CLEC11A: variants seen among roughly 807,000 people sequenced by gnomAD.
CLEC11A encodes the protein C-type lectin domain family 11 member A.
CLEC11A carries 35 observed loss-of-function variants against 33.9 expected under a neutral mutation model. The observed-to-expected ratio is 1.03, with a 90% CI of 0.79 to 1.37. The LOEUF is 1.37. Ranked by LOEUF, CLEC11A falls within the 40% of genes most tolerant of loss-of-function variation. CLEC11A has a pLI of 0.00. For missense variants in CLEC11A, 519 were observed against 455.5 expected (o/e 1.14, Z -1.27); for synonymous variants, 220 against 202.2 (o/e 1.09, Z -0.75).
chr19:50,723,945 A>G lies in CLEC11A; in HGVS notation c.188A>G (p.Asp63Gly). 6.2e-7 allele frequency: 1 copy of G among 1,613,068 alleles called. No individual in the cohort carries two copies. Among genetic ancestry groups the G allele is most frequent in the Non-Finnish European group, 8.5e-7 (1 of 1,179,690 alleles). Reference protein sequence around the residue: ...EALGLPAGRGDENPAGTVEGK... With the variant: ...EALGLPAGRGGENPAGTVEGK... ...CTAGGACTGCCTGCTGGGAGGGGGG[A>G]TGAGAATCCTGCCGGAACTGTTGAG... The change falls in exon 2 of 4, where the codon GAT becomes GGT. Residue 63 changes from aspartate to glycine, a missense_variant. Physicochemically the swap from Asp to Gly is moderately conservative, Grantham distance 94. Transcript: ENST00000250340. The surrounding 1 kb of genome is among the most constrained non-coding windows in gnomAD (Gnocchi z 4.1).
At position 50,725,269 on chromosome 19, in the gene CLEC11A, C is replaced by G; in HGVS notation, c.774C>G (p.Arg258=). 4 of 1,611,428 alleles carry G rather than the reference C, an allele frequency of 2.5e-6. No homozygotes were observed. Among genetic ancestry groups the G allele is most frequent in the Non-Finnish European group, 3.4e-6 (4 of 1,179,212 alleles). ...TCTACCTCTTCGAAAACGGCCAGCG[C>G]GTGTCCTTCTTCGCCTGGCATCGCT... ...EGLYLFENGQ[R]VSFFAWHRSP... The change falls in exon 4 of 4, where the codon CGC becomes CGG. Residue 258 remains arginine (R), a synonymous_variant. Coordinates refer to ENST00000250340, the MANE Select transcript of CLEC11A (RefSeq NM_002975.3).
chr19:50,725,427 G>T lies in CLEC11A; in HGVS notation c.932G>T (p.Cys311Phe). The change falls in exon 4 of 4, where the codon TGC becomes TTC. Residue 311 changes from cysteine to phenylalanine, a missense_variant. Transcript: ENST00000250340. ...GACGGCTCCTGGTGGGACCACGACT[G>T]CCAGCGGCGTCTCTACTACGTCTGC... is the stretch of plus-strand genomic sequence containing the variant. The part of the protein sequence containing the change: ...SDDGSWWDHD[C>F]QRRLYYVCEF... 1.2e-6 allele frequency: 2 copies of T among 1,610,310 alleles called. No individual in the cohort carries two copies. The highest frequency in any genetic ancestry group is 8.5e-7 in the Non-Finnish European group (1 of 1,178,668).
In CLEC11A at chr19:50,723,895, C is replaced by T. The variant is rs1358289705; in HGVS notation, c.148-10C>T. 5.6e-6 allele frequency: 9 copies of T among 1,603,086 alleles called. No individual in the cohort carries two copies. In the East Asian group the frequency reaches 1.8e-4, roughly 32 times the overall value. The stretch of plus-strand genomic sequence containing the variant: ...GCAGGCTGGGGCTCACCACCCCTCC[C>T]CTGCCCCAGCATCTGCAGGAAGCCC... On this transcript the variant is annotated splice_polypyrimidine_tract_variant and intron_variant, in intron 1 of 3. Transcript: ENST00000250340. This position sits in a 1 kb window ranked among gnomAD's most constrained non-coding sequence, Gnocchi z 4.1.
At position 50,724,116 on chromosome 19, in the gene CLEC11A, C is replaced by A; in HGVS notation, c.334+25C>A. 1 of 1,609,050 alleles carries A rather than the reference C, an allele frequency of 6.2e-7. No homozygotes were observed. The highest frequency in any genetic ancestry group is 8.5e-7 in the Non-Finnish European group (1 of 1,178,574). On this transcript the variant is annotated intron_variant, in intron 2 of 3. Coordinates refer to ENST00000250340, the MANE Select transcript of CLEC11A (RefSeq NM_002975.3). This position sits in a 1 kb window ranked among gnomAD's most constrained non-coding sequence, Gnocchi z 4.1. ...CGTGAGTAACCAGAAGCCCTCACCC[C>A]CAAACTCCTAGGCCGCCGCGGTCAC...
chr19:50,724,295 G>A lies in CLEC11A; in HGVS notation c.335-115G>A. On this transcript the variant is annotated intron_variant, in intron 2 of 3. Coordinates refer to ENST00000250340, the MANE Select transcript of CLEC11A (RefSeq NM_002975.3). The surrounding 1 kb of genome is among the most constrained non-coding windows in gnomAD (Gnocchi z 4.1). ...ACCCTACCTTCCAGGAGTCCGGGGT[G>A]CCCCCCCCACCGCCACCCCGCCCTC... The A allele has an allele frequency of 8.8e-7, 1 of 1,130,926 alleles. No individual in the cohort carries two copies. The highest frequency in any genetic ancestry group is 1.2e-6 in the Non-Finnish European group (1 of 830,044). The allele number at this position is 1,130,926 out of a possible 1,614,324, so 70.1% of individuals were successfully genotyped here.
chr19:50,724,635 A>T lies in CLEC11A; in HGVS notation c.526+34A>T, dbSNP rs150234280. The T allele has an allele frequency of 1.8e-3, 2,511 of 1,383,368 alleles. 54 individuals carry two copies. The East Asian group carries it at 0.047, about 26-fold the overall frequency. The allele number at this position is 1,383,368 out of a possible 1,614,324, so 85.7% of individuals were successfully genotyped here. A position where few individuals can be genotyped will look rare whatever the true frequency, so the allele number is the denominator to read the frequency against. ...GCGGCGCGCGGGGTGGAAAAAAATG[A>T]GACTATCTGGGCCAGGAATGGGACT... On this transcript the variant is annotated intron_variant, in intron 3 of 3. Coordinates refer to ENST00000250340, the MANE Select transcript of CLEC11A (RefSeq NM_002975.3). The surrounding 1 kb of genome is among the most constrained non-coding windows in gnomAD (Gnocchi z 4.1).
chr19:50,723,510 C>A lies in CLEC11A; in HGVS notation c.-16C>A. 1 of 1,611,916 alleles carries A rather than the reference C, an allele frequency of 6.2e-7. No individual in the cohort carries two copies. Among genetic ancestry groups the A allele is most frequent in the Non-Finnish European group, 8.5e-7 (1 of 1,179,812 alleles). ...ATCCAGACATCTGGAACTTTGGGTG[C>A]CAAGAGTCCAGCTTAATGCAGGCAG... On this transcript the variant is annotated 5_prime_UTR_variant, in exon 1 of 4. Transcript: ENST00000250340. This position sits in a 1 kb window ranked among gnomAD's most constrained non-coding sequence, Gnocchi z 4.1.
Position 50,725,475 on chromosome 19 carries a change from G to C in CLEC11A, c.*8G>C. The C allele has an allele frequency of 3.8e-6, 6 of 1,581,188 alleles. No individual in the cohort carries two copies. Among genetic ancestry groups the C allele is most frequent in the Non-Finnish European group, 5.2e-6 (6 of 1,160,886 alleles). On this transcript the variant is annotated 3_prime_UTR_variant, in exon 4 of 4. Coordinates refer to ENST00000250340, the MANE Select transcript of CLEC11A (RefSeq NM_002975.3). ...TGCGAGTTCCCCTTCTAGCGGGGCCGGTACCCCGCCTCCCTGCCCATCCCA... is the reference window on the plus strand; with the variant it reads ...TGCGAGTTCCCCTTCTAGCGGGGCCCGTACCCCGCCTCCCTGCCCATCCCA...
Position 50,724,123 on chromosome 19 carries a change from C to T in CLEC11A, c.334+32C>T. On this transcript the variant is annotated intron_variant, in intron 2 of 3. Transcript: ENST00000250340. The surrounding 1 kb of genome is among the most constrained non-coding windows in gnomAD (Gnocchi z 4.1). ...AACCAGAAGCCCTCACCCCCAAACT[C>T]CTAGGCCGCCGCGGTCACTTTCGCA... The T allele has an allele frequency of 6.2e-7, 1 of 1,603,666 alleles. No individual in the cohort carries two copies.
chr19:50,725,344 C>T lies in CLEC11A; in HGVS notation c.849C>T (p.Leu283=). Residue 283 remains leucine (L), a synonymous_variant, in exon 4 of 4, where the codon CTC becomes CTT. Transcript: ENST00000250340. ...AGCCCAGCGCCTCGCCGCATCCGCTCAGCCCGGACCAGCCCAACGGTGGCA... is the reference window on the plus strand; with the variant it reads ...AGCCCAGCGCCTCGCCGCATCCGCTTAGCCCGGACCAGCCCAACGGTGGCA... ...GAQPSASPHP[L]SPDQPNGGTL... is the part of the protein sequence containing the mutation. 6.2e-7 allele frequency: 1 copy of T among 1,612,142 alleles called. No individual in the cohort carries two copies. The highest frequency in any genetic ancestry group is 8.5e-7 in the Non-Finnish European group (1 of 1,179,462).
chr19:50,724,602 G>A lies in CLEC11A; in HGVS notation c.526+1G>A. 3 of 1,404,118 alleles carry A rather than the reference G, an allele frequency of 2.1e-6. No individual in the cohort carries two copies. Among genetic ancestry groups the A allele is most frequent in the Non-Finnish European group, 2.8e-6 (3 of 1,083,698 alleles). 87.0% of individuals were successfully genotyped at this position (1,404,118 alleles called of 1,614,324 possible). A position where few individuals can be genotyped will look rare whatever the true frequency, so the allele number is the denominator to read the frequency against. ...GAGCGCGAGCACGGCCGCTTGGAGG[G>A]TGAGTCCGCGGCGCGCGGGGTGGAA... On this transcript the variant is annotated splice_donor_variant, in intron 3 of 3. Transcript: ENST00000250340. LOFTEE classifies it high-confidence loss of function. The surrounding 1 kb of genome is among the most constrained non-coding windows in gnomAD (Gnocchi z 4.1).
In CLEC11A at chr19:50,725,169, G is replaced by T. The variant is rs775848847; in HGVS notation, c.674G>T (p.Arg225Leu). Reference protein sequence around the residue: ...ADRQQMEALTRYLRAALAPYN... With the variant: ...ADRQQMEALTLYLRAALAPYN... ...CGCCAGCAGATGGAGGCGCTCACTC[G>T]GTACCTGCGCGCGGCGCTCGCTCCC... The change falls in exon 4 of 4, where the codon CGG (arginine) becomes CTG (leucine). Residue 225 changes from arginine to leucine, a missense_variant. Arg to Leu is a moderately radical substitution (Grantham distance 102). Transcript: ENST00000250340. 3.7e-5 allele frequency: 58 copies of T among 1,575,046 alleles called. 1 individual carries two copies. In the Admixed American group the frequency reaches 1.0e-3, roughly 28 times the overall value.
chr19:50,724,532 AC>A lies in CLEC11A; in HGVS notation c.460del (p.Arg154AlafsTer25). On this transcript the variant is annotated frameshift_variant, in exon 3 of 4. Coordinates refer to ENST00000250340, the MANE Select transcript of CLEC11A (RefSeq NM_002975.3). LOFTEE classifies it high-confidence loss of function. This position sits in a 1 kb window ranked among gnomAD's most constrained non-coding sequence, Gnocchi z 4.1. ...GCAGCTGCGGAACGCGGCAGGCGAC[AC>A]CCGCGATGCCGTGCAAGCCCTGCAG... Reference protein sequence around the residue: ...LRQLRNAAGDTRDAVQALQEA... With the variant: ...LRQLRNAAGDXRDAVQALQEA... 6.5e-7 allele frequency: 1 copy of A among 1,540,490 alleles called. No homozygotes were observed. The highest frequency in any genetic ancestry group is 1.2e-5 in the South Asian group (1 of 84,586).
chr19:50,725,428 C>T lies in CLEC11A; in HGVS notation c.933C>T (p.Cys311=), dbSNP rs371672313. The change falls in exon 4 of 4, where the codon TGC becomes TGT. Residue 311 remains cysteine, a synonymous_variant. Transcript: ENST00000250340. ...ACGGCTCCTGGTGGGACCACGACTG[C>T]CAGCGGCGTCTCTACTACGTCTGCG... ...SDDGSWWDHD[C]QRRLYYVCEF... is the part of the protein sequence containing the mutation. 117 of 1,610,246 alleles carry T rather than the reference C, an allele frequency of 7.3e-5. 1 individual carries two copies. In the African/African-American group the frequency reaches 1.0e-3, roughly 14 times the overall value.
In CLEC11A at chr19:50,724,406, G is replaced by A. The variant is rs2089166903; in HGVS notation, c.335-4G>A. 1 of 1,498,774 alleles carries A rather than the reference G, an allele frequency of 6.7e-7. No individual in the cohort carries two copies. The highest frequency in any genetic ancestry group is 8.8e-7 in the Non-Finnish European group (1 of 1,131,486). The allele number at this position is 1,498,774 out of a possible 1,614,324, so 92.8% of individuals were successfully genotyped here. On this transcript the variant is annotated splice_polypyrimidine_tract_variant and splice_region_variant and intron_variant, in intron 2 of 3. Coordinates refer to ENST00000250340, the MANE Select transcript of CLEC11A (RefSeq NM_002975.3). This position sits in a 1 kb window ranked among gnomAD's most constrained non-coding sequence, Gnocchi z 4.1. ...CCTCCAGCATGATCCCTGTCTGTCCGCAGTGGGCCGCCTGGCCGGCCTGGA... is the reference window on the plus strand; with the variant it reads ...CCTCCAGCATGATCCCTGTCTGTCCACAGTGGGCCGCCTGGCCGGCCTGGA...
In CLEC11A at chr19:50,724,097, T is replaced by A. The variant is rs998514470; in HGVS notation, c.334+6T>A. The A allele has an allele frequency of 6.2e-7, 1 of 1,611,342 alleles. No individual in the cohort carries two copies. The highest frequency in any genetic ancestry group is 8.5e-7 in the Non-Finnish European group (1 of 1,179,180). The stretch of plus-strand genomic sequence containing the variant: ...GGACATCGTCACTTACATCCGTGAG[T>A]AACCAGAAGCCCTCACCCCCAAACT... On this transcript the variant is annotated splice_donor_region_variant and intron_variant, in intron 2 of 3. Coordinates refer to ENST00000250340, the MANE Select transcript of CLEC11A (RefSeq NM_002975.3). This position sits in a 1 kb window ranked among gnomAD's most constrained non-coding sequence, Gnocchi z 4.1.
chr19:50,725,225 G>T lies in CLEC11A; in HGVS notation c.730G>T (p.Asp244Tyr). Reference sequence around the variant, plus strand: ...CTGGCCCGTGTGGCTGGGCGTGCACGATCGGCGCGCCGAGGGCCTCTACCT... The same window carrying T: ...CTGGCCCGTGTGGCTGGGCGTGCACTATCGGCGCGCCGAGGGCCTCTACCT... ...YNWPVWLGVHDRRAEGLYLFE... is the reference protein window; with the variant it reads ...YNWPVWLGVHYRRAEGLYLFE... Residue 244 changes from aspartate to tyrosine, a missense_variant, in exon 4 of 4, where the codon GAT (aspartate) becomes TAT (tyrosine). Physicochemically the swap from Asp to Tyr is radical, Grantham distance 160 (BLOSUM62 -3). Coordinates refer to ENST00000250340, the MANE Select transcript of CLEC11A (RefSeq NM_002975.3). The T allele has an allele frequency of 6.3e-7, 1 of 1,599,168 alleles. No individual in the cohort carries two copies. Among genetic ancestry groups the T allele is most frequent in the African/African-American group, 1.3e-5 (1 of 74,796 alleles).
Position 50,724,295 on chromosome 19 carries a change from G to GCCCCCCC in CLEC11A, c.335-113_335-107dup. The stretch of plus-strand genomic sequence containing the variant: ...ACCCTACCTTCCAGGAGTCCGGGGT[G>GCCCCCCC]CCCCCCCCACCGCCACCCCGCCCTC... On this transcript the variant is annotated intron_variant, in intron 2 of 3. Transcript: ENST00000250340. This position sits in a 1 kb window ranked among gnomAD's most constrained non-coding sequence, Gnocchi z 4.1. 1 of 1,130,902 alleles carries GCCCCCCC rather than the reference G, an allele frequency of 8.8e-7. No homozygotes were observed. Among genetic ancestry groups the GCCCCCCC allele is most frequent in the Non-Finnish European group, 1.2e-6 (1 of 830,026 alleles). The allele number at this position is 1,130,902 out of a possible 1,614,324, so 70.1% of individuals were successfully genotyped here.
Position 50,724,217 on chromosome 19 carries a change from C to T in CLEC11A, c.334+126C>T. 6.9e-7 allele frequency: 1 copy of T among 1,455,696 alleles called. No individual in the cohort carries two copies. Among genetic ancestry groups the T allele is most frequent in the Non-Finnish European group, 9.3e-7 (1 of 1,075,954 alleles). 90.2% of individuals were successfully genotyped at this position (1,455,696 alleles called of 1,614,324 possible). A position where few individuals can be genotyped will look rare whatever the true frequency, so the allele number is the denominator to read the frequency against. ...CATTGCCCAGCCCAGAGCCCCCACA[C>T]CCCTAGGAGCCCCAGGTCCACGGCC... On this transcript the variant is annotated intron_variant, in intron 2 of 3. Coordinates refer to ENST00000250340, the MANE Select transcript of CLEC11A (RefSeq NM_002975.3). This position sits in a 1 kb window ranked among gnomAD's most constrained non-coding sequence, Gnocchi z 4.1.
Sources: gnomAD v4.1 joint callset for allele counts on GRCh38, gnomAD v4.1.1 for gene constraint, Gnocchi (gnomAD v3.1) non-coding constraint, MANE v1.5 for transcripts, NCBI Gene and HGNC (gene_info 2026-07-23, HGNC 2026-07-21) for gene names.